TTC33: variants seen among roughly 807,000 people sequenced by gnomAD.
TTC33 encodes tetratricopeptide repeat domain 33, also known as tetratricopeptide repeat protein 33.
TTC33 carries 24 observed loss-of-function variants against 29.4 expected under a neutral mutation model. The observed-to-expected ratio is 0.82, with a 90% confidence interval of 0.59 to 1.15. The LOEUF (loss-of-function observed/expected upper bound fraction) is 1.15. Among genes scored for constraint, TTC33 ranks in the 50% most tolerant of loss-of-function variants. TTC33 has a pLI of 0.00. For synonymous variants in TTC33, 107 were observed against 100.3 expected, an observed-to-expected ratio of 1.07 and a Z score of -0.40; for missense variants, 286 against 310.4, an observed-to-expected ratio of 0.92 and a Z score of 0.59.
chr5:40,725,935 G>A (rs1455614935), intron 4 of TTC33, among the ~76,000 whole-genome samples: 8 of 151,682 alleles, frequency 5.3e-5, no homozygotes, highest in African/African-American at 7.3e-5. Flanking sequence ...ACAGGCGCCC[G>A]CCACCACGTC....
chr5:40,724,636 A>G (rs1742236211), intron 4 of TTC33, among the ~76,000 whole-genome samples: 1 of 152,114 alleles, frequency 6.6e-6, no homozygotes, highest in Non-Finnish European at 1.5e-5. Context: ...CCATCTCAAA[A>G]AAACAAAAAA....
rs1724867363 is a variant in TTC33, at chr5:40,712,568, G to A, written c.*3577C>T. Reference sequence around the variant, plus strand: ...AGACCTGCTTACTAAGGCATGGGCAGTTCTGCACAAGCACAAATCTCCCTT... The same window carrying A: ...AGACCTGCTTACTAAGGCATGGGCAATTCTGCACAAGCACAAATCTCCCTT... On this transcript the variant is annotated 3_prime_UTR_variant, in exon 5 of 5. Coordinates refer to ENST00000337702, the MANE Select transcript of TTC33 (RefSeq NM_012382.3). Among the ~76,000 whole-genome samples the A allele has an allele frequency of 6.6e-6, 1 of 152,182 alleles. No homozygotes were observed. The highest frequency in any genetic ancestry group is 6.6e-5 in the Admixed American group (1 of 15,264).
chr5:40,748,346 G>A (rs753874384), intron 1 of TTC33, among the ~76,000 whole-genome samples: 9 of 152,050 alleles, frequency 5.9e-5, no homozygotes, highest in Admixed American at 2.0e-4. Flanking sequence ...ACAGGCATGC[G>A]TCACAATGCC....
At chr5:40,753,868 T>A (rs1304747193) in intron 1 of TTC33, among the ~76,000 whole-genome samples, 1 of 151,766 alleles carries the variant, frequency 6.6e-6, no homozygotes, top group Non-Finnish European at 1.5e-5. Context: ...ACCTAGTGTG[T>A]TTACTGGAGG....
chr5:40,721,865 T>C (rs1426671003), intron 4 of TTC33, among the ~76,000 whole-genome samples: 1 of 152,192 alleles, frequency 6.6e-6, no homozygotes, highest in East Asian at 1.9e-4. Context: ...AAAGGAAACC[T>C]ATGGAATGGG....
At chr5:40,742,444 A>G (rs1745847545) in intron 2 of TTC33, among the ~76,000 whole-genome samples, 2 of 152,230 alleles carry the variant, frequency 1.3e-5, no homozygotes, top group Admixed American at 1.3e-4. Flanking sequence ...TATTTTCTGC[A>G]GAAAAGGAAA....
At chr5:40,748,498 T>C (rs1742841274) in intron 1 of TTC33, among the ~76,000 whole-genome samples, 1 of 152,154 alleles carries the variant, frequency 6.6e-6, no homozygotes, top group Non-Finnish European at 1.5e-5. Flanking sequence ...ACCTGGCAAA[T>C]TATGGCTATT....
intron 2 of TTC33, among the ~76,000 whole-genome samples, chr5:40,743,378 T>C (rs1742733621): frequency 1.3e-5 from 2 of 152,108 alleles, no homozygotes; most frequent in African/African-American, 4.8e-5. Context: ...ATAAGCACAG[T>C]TTAAGATGAA....
chr5:40,717,362 C>T (rs1742025303), intron 4 of TTC33, among the ~76,000 whole-genome samples: 1 of 151,980 alleles, frequency 6.6e-6, no homozygotes, highest in Non-Finnish European at 1.5e-5. Context: ...AAGGTATCAG[C>T]TGGGAATTGG....
chr5:40,735,829 G>A lies in TTC33; in HGVS notation c.222-5486C>T, dbSNP rs923009644. Among the ~76,000 whole-genome samples the A allele has an allele frequency of 3.3e-5, 5 of 152,148 alleles. No individual in the cohort carries two copies. The East Asian group carries it at 9.6e-4, about 29-fold the overall frequency. On this transcript the variant is annotated intron_variant, in intron 2 of 4. Transcript: ENST00000337702. ...CAATAAATGACAACAGAGAAGTGATGACTGGATTTGACAACATGGAGGTCA... is the reference window on the plus strand; with the variant it reads ...CAATAAATGACAACAGAGAAGTGATAACTGGATTTGACAACATGGAGGTCA...
At chr5:40,755,761 C>T (rs1742975181) in intron 1 of TTC33, 63 bp downstream of exon 1, 1 of 152,492 alleles carries the variant, frequency 6.6e-6, no homozygotes, top group Admixed American at 6.5e-5. Context: ...ATAACGGCTC[C>T]CAAGGCCCCG....
At chr5:40,735,033 C>G (rs1742519689) in intron 2 of TTC33, among the ~76,000 whole-genome samples, 1 of 152,126 alleles carries the variant, frequency 6.6e-6, no homozygotes, top group Non-Finnish European at 1.5e-5. Context: ...AAGGTCCATT[C>G]CAGGCAAAGG....
intron 2 of TTC33, among the ~76,000 whole-genome samples, chr5:40,744,487 GTTTTT>G (rs375739587): frequency 3.7e-5 from 5 of 136,414 alleles, no homozygotes; most frequent in African/African-American, 1.4e-4. Context: ...ACTCTTACCA[GTTTTT>G]TTTTTTTTTT....
intron 3 of TTC33, among the ~76,000 whole-genome samples, chr5:40,729,160 T>A (rs1214743261): frequency 6.6e-6 from 1 of 152,196 alleles, no homozygotes; most frequent in African/African-American, 2.4e-5. Context: ...GCCACAAACC[T>A]GTCATTCATA....
chr5:40,716,261 CTG>C lies in TTC33; in HGVS notation c.671_672del (p.Thr224SerfsTer5). ...VCAAIAEKEK[T>X]VSANKTMVIV... Reference sequence around the variant, plus strand: ...ATAACCATTGTTTTATTTGCTGAAACTGTCTTCTCTTTCTCAGCAATAGCTGC... The same window carrying C: ...ATAACCATTGTTTTATTTGCTGAAACTCTTCTCTTTCTCAGCAATAGCTGC... On this transcript the variant is annotated frameshift_variant, in exon 5 of 5. Coordinates refer to ENST00000337702, the MANE Select transcript of TTC33 (RefSeq NM_012382.3). LOFTEE classifies it high-confidence loss of function. 6.2e-7 allele frequency: 1 copy of C among 1,614,202 alleles called. No homozygotes were observed. Among genetic ancestry groups the C allele is most frequent in the South Asian group, 1.1e-5 (1 of 91,082 alleles).
Position 40,715,979 on chromosome 5 carries a change from C to A in TTC33, c.*166G>T. The A allele has an allele frequency of 1.9e-6, 1 of 532,884 alleles. No individual in the cohort carries two copies. Among genetic ancestry groups the A allele is most frequent in the Non-Finnish European group, 3.2e-6 (1 of 309,412 alleles). The allele number at this position is 532,884 out of a possible 1,614,324, so 33.0% of individuals were successfully genotyped here. On this transcript the variant is annotated 3_prime_UTR_variant, in exon 5 of 5. Transcript: ENST00000337702. ...AATCATAACTTATCAAAGCATATTC[C>A]AAACACTATACAATAATCCTGCCAT...
chr5:40,730,203 C>T, intron 3 of TTC33, 59 bp downstream of exon 3: 3 of 1,337,830 alleles, frequency 2.2e-6, no homozygotes, highest in Non-Finnish European at 3.1e-6. Flanking sequence ...TCATTGCTCA[C>T]TCACCGAACA....
At position 40,738,841 on chromosome 5, in the gene TTC33, AT is replaced by A. The variant is rs539510622; in HGVS notation, c.221+7956del. 2.0e-3 allele frequency among the ~76,000 whole-genome samples: 311 copies of A among 152,014 alleles called. 1 individual carries two copies. The highest frequency in any genetic ancestry group is 3.6e-3 in the Non-Finnish European group (247 of 67,956). On this transcript the variant is annotated intron_variant, in intron 2 of 4. Transcript: ENST00000337702. ...TTTTATGCTTCTTGGTCATTCATAT[AT>A]TTTCTTTTGTGAAGCATCTGCTCCA... is the stretch of plus-strand genomic sequence containing the variant.
intron 4 of TTC33, among the ~76,000 whole-genome samples, chr5:40,724,175 T>C (rs1341160821): frequency 1.3e-5 from 2 of 152,034 alleles, no homozygotes; most frequent in African/African-American, 2.4e-5. Flanking sequence ...ACACACAAAA[T>C]GAAATATTTT....
Sources: gnomAD v4.1 joint callset for allele counts (sites outside exome capture counted in the v4.1 genomes callset) on GRCh38, gnomAD v4.1.1 for gene constraint, MANE v1.5 for transcripts, NCBI Gene and HGNC (gene_info 2026-07-23, HGNC 2026-07-21) for gene names.